The following HTN3 variants were observed in gnomAD, a reference collection of about 807,000 sequenced individuals.
HTN3 encodes the protein histatin-3.
In HTN3, 15 loss-of-function variants were observed where a neutral mutation model predicts 10.6. The ratio of observed to expected loss-of-function variants is 1.42; its 90% CI spans 0.95 to 2.18. The LOEUF (loss-of-function observed/expected upper bound fraction) is 2.18. Ranked by LOEUF, HTN3 falls within the 30% of genes most tolerant of loss-of-function variation. The pLI, the probability that HTN3 is intolerant of heterozygous loss-of-function variation, is 0.00. For synonymous variants in HTN3, 15 were observed against 16.9 expected (o/e 0.89, Z 0.27); for missense variants, 68 against 58.0 (o/e 1.17, Z -0.56).
At chr4:70,029,416 G>A (rs1725321111) in intron 1 of HTN3, among the ~76,000 whole-genome samples, 1 of 151,958 alleles carries the variant, frequency 6.6e-6, no homozygotes, top group Admixed American at 6.6e-5. Context: ...GAAATAATAA[G>A]GCAAATGGGT....
intron 5 of HTN3, chr4:70,034,154 C>T (rs1233443743): frequency 6.6e-6 from 1 of 152,078 alleles, no homozygotes; most frequent in Non-Finnish European, 1.5e-5. Context: ...TGGACAAAGA[C>T]TTCATGAAGA....
In HTN3 at chr4:70,028,798, C is replaced by A. The variant is rs116404930; in HGVS notation, c.-14+282C>A. On this transcript the variant is annotated intron_variant, in intron 1 of 5. Coordinates refer to ENST00000673563, the MANE Select transcript of HTN3 (RefSeq NM_000200.3). The stretch of plus-strand genomic sequence containing the variant: ...CTCTTTTTATTTCCTTGCCTAGATA[C>A]CTGATATCTACTTTCTTATTACTTT... 2.5e-4 allele frequency among the ~76,000 whole-genome samples: 38 copies of A among 152,124 alleles called. 1 individual carries two copies. Among genetic ancestry groups the A allele is most frequent in the African/African-American group, 8.7e-4 (36 of 41,514 alleles).
chr4:70,028,902 T>A (rs1174477539), intron 1 of HTN3, among the ~76,000 whole-genome samples: 1 of 152,102 alleles, frequency 6.6e-6, no homozygotes, highest in Non-Finnish European at 1.5e-5. Flanking sequence ...ATTATAAAAA[T>A]TTATTTTTTA....
intron 1 of HTN3, among the ~76,000 whole-genome samples, chr4:70,029,119 G>A (rs896628575): frequency 4.6e-5 from 7 of 151,660 alleles, no homozygotes; most frequent in Admixed American, 1.3e-4. Flanking sequence ...TGATTTACTC[G>A]GGAAATATGT....
At chr4:70,029,850 C>T (rs1314222363) in intron 1 of HTN3, among the ~76,000 whole-genome samples, 2 of 151,982 alleles carry the variant, frequency 1.3e-5, no homozygotes, top group Non-Finnish European at 2.9e-5. Context: ...AATCATTTTC[C>T]CTGTGACTTC....
intron 5 of HTN3, chr4:70,034,103 C>A (rs1165725822): frequency 6.6e-6 from 1 of 151,922 alleles, no homozygotes; most frequent in African/African-American, 2.4e-5. Context: ...AAAAAAAGAC[C>A]CTAGAAGAAA....
At chr4:70,032,857 AC>A (rs2109708990) in intron 4 of HTN3, among the ~76,000 whole-genome samples, 1 of 152,226 alleles carries the variant, frequency 6.6e-6, no homozygotes, top group South Asian at 2.1e-4. Context: ...CAAAATAGTA[AC>A]TTGGAGGTAA....
chr4:70,030,945 C>A, intron 2 of HTN3, 154 bp downstream of exon 2: 1 of 597,944 alleles, frequency 1.7e-6, no homozygotes, highest in Non-Finnish European at 2.9e-6. Context: ...TATATAAGTT[C>A]TTAAAGGACT....
intron 2 of HTN3, 99 bp downstream of exon 2, chr4:70,030,890 A>G: frequency 1.1e-6 from 1 of 873,944 alleles, no homozygotes; most frequent in African/African-American, 1.7e-5. Context: ...GTTCACCTCA[A>G]TACAGCTTTA....
chr4:70,032,585 T>C (rs1725410343), intron 4 of HTN3, among the ~76,000 whole-genome samples: 1 of 152,058 alleles, frequency 6.6e-6, no homozygotes, highest in African/African-American at 2.4e-5. Flanking sequence ...TGTATAAAAA[T>C]ATCATATTAT....
chr4:70,032,912 A>C (rs563279681), intron 4 of HTN3, among the ~76,000 whole-genome samples: 1 of 152,282 alleles, frequency 6.6e-6, no homozygotes, highest in East Asian at 1.9e-4. Flanking sequence ...GGTTGCCTAT[A>C]ATCAGTGTTC....
chr4:70,035,390 G>C (rs556520467), intron 5 of HTN3, among the ~76,000 whole-genome samples: 1 of 152,260 alleles, frequency 6.6e-6, no homozygotes, highest in East Asian at 1.9e-4. Context: ...GGGCTATTGA[G>C]AGACATTATA....
chr4:70,036,400 T>G lies in HTN3; in HGVS notation c.*167T>G, dbSNP rs1220213868. The G allele has an allele frequency of 6.6e-6, 1 of 152,200 alleles. No individual in the cohort carries two copies. The highest frequency in any genetic ancestry group is 1.5e-5 in the Non-Finnish European group (1 of 68,028). 9.4% of individuals were successfully genotyped at this position (152,200 alleles called of 1,614,324 possible). On this transcript the variant is annotated 3_prime_UTR_variant, in exon 6 of 6. Transcript: ENST00000673563. ...ATACCATGATTTAGTGAATTCTGTG[T>G]TTCAGGATACTTCCCTTCCTAATTA...
chr4:70,030,832 C>T (rs774870010), intron 2 of HTN3, 41 bp downstream of exon 2: 1 of 1,435,482 alleles, frequency 7.0e-7, no homozygotes. Context: ...ATTCTCAGTA[C>T]TTATCCCAAG....
intron 5 of HTN3, 147 bp downstream of exon 5, chr4:70,033,400 T>C (rs1725435544): frequency 1.9e-6 from 1 of 523,572 alleles, no homozygotes; most frequent in South Asian, 2.5e-5. Flanking sequence ...TGTTGATTTA[T>C]ATAGATGCTT....
intron 4 of HTN3, among the ~76,000 whole-genome samples, chr4:70,032,933 T>C (rs1243971024): frequency 6.6e-6 from 1 of 152,158 alleles, no homozygotes; most frequent in Non-Finnish European, 1.5e-5. Context: ...CAACATTTAT[T>C]ATTGCCACAA....
chr4:70,033,787 G>A (rs768567848), intron 5 of HTN3: 2 of 152,012 alleles, frequency 1.3e-5, no homozygotes, highest in Non-Finnish European at 2.9e-5. Context: ...TTATTTCCTT[G>A]AGCAGTGATT....
intron 1 of HTN3, among the ~76,000 whole-genome samples, chr4:70,028,922 C>T (rs1023913120): frequency 6.6e-6 from 1 of 151,876 alleles, no homozygotes; most frequent in Non-Finnish European, 1.5e-5. Context: ...AATTTACTTT[C>T]CTCTTAGTCG....
intron 1 of HTN3, among the ~76,000 whole-genome samples, chr4:70,029,545 A>AT (rs150684018): frequency 0.044 from 6,695 of 152,072 alleles, 497 homozygotes; most frequent in African/African-American, 0.15. Flanking sequence ...GATTAGAAAA[A>AT]TTTTTTAAAA....
Sources: allele counts gnomAD v4.1 joint callset (sites outside exome capture counted in the v4.1 genomes callset), GRCh38; gene constraint gnomAD v4.1.1; transcripts MANE v1.5; gene names NCBI Gene and HGNC (gene_info 2026-07-23, HGNC 2026-07-21).